NUDT3: variants seen among roughly 807,000 people sequenced by gnomAD.
NUDT3 encodes diphosphoinositol polyphosphate phosphohydrolase 1.
Under a neutral mutation model 23.6 loss-of-function variants are expected in NUDT3, and 9 were observed. The observed-to-expected ratio is 0.38, with a 90% CI of 0.23 to 0.66. The LOEUF (loss-of-function observed/expected upper bound fraction) is 0.66. NUDT3 is among the 30% of genes least tolerant of loss of function. The pLI, the probability that NUDT3 is intolerant of heterozygous loss-of-function variation, is 0.52. For missense variants in NUDT3, 172 were observed against 218.5 expected (o/e 0.79, Z 1.34); for synonymous variants, 86 against 82.6 (o/e 1.04, Z -0.22).
At chr6:34,291,598 G>C (rs1037657588) in intron 4 of NUDT3, among the ~76,000 whole-genome samples, 1 of 151,978 alleles carries the variant, frequency 6.6e-6, no homozygotes, top group Admixed American at 6.6e-5. Context: ...CACCTCCTAG[G>C]TTCAAGTTAT....
chr6:34,305,391 C>A (rs922801194), intron 2 of NUDT3, among the ~76,000 whole-genome samples: 1 of 152,086 alleles, frequency 6.6e-6, no homozygotes, highest in Non-Finnish European at 1.5e-5. Flanking sequence ...AATTTAAAAA[C>A]CTCTATTATA....
intron 2 of NUDT3, among the ~76,000 whole-genome samples, chr6:34,327,515 C>T (rs1320922701): frequency 2.1e-5 from 3 of 139,874 alleles, no homozygotes; most frequent in South Asian, 2.3e-4. Context: ...AGCAATAGGG[C>T]GAGACTCCGC....
At chr6:34,374,327 G>A (rs566937216) in intron 1 of NUDT3, among the ~76,000 whole-genome samples, 2 of 152,168 alleles carry the variant, frequency 1.3e-5, no homozygotes, top group Non-Finnish European at 1.5e-5. Context: ...TGACGTGGCT[G>A]GATAGATCAT....
chr6:34,288,505 GAGGGACAGATCATGCACAAA>G lies in NUDT3; in HGVS notation c.*228_*247del. On this transcript the variant is annotated 3_prime_UTR_variant, in exon 5 of 5. Transcript: ENST00000607016. ...AGAGGACTGCAGGGGTGGGAAGAGG[GAGGGACAGATCATGCACAAA>G]AGTACTTACAAATTACACACCCAAC... 1 of 452,344 alleles carries G rather than the reference GAGGGACAGATCATGCACAAA, an allele frequency of 2.2e-6. No individual in the cohort carries two copies. The allele number at this position is 452,344 out of a possible 1,614,324, so 28.0% of individuals were successfully genotyped here. A position where few individuals can be genotyped will look rare whatever the true frequency, so the allele number is the denominator to read the frequency against.
intron 1 of NUDT3, among the ~76,000 whole-genome samples, chr6:34,348,632 C>T (rs914308826): frequency 1.3e-5 from 2 of 151,818 alleles, no homozygotes; most frequent in East Asian, 2.0e-4. Flanking sequence ...AAAAATTAGC[C>T]GGGCGTGGTG....
intron 2 of NUDT3, among the ~76,000 whole-genome samples, chr6:34,320,631 C>T (rs1161263309): frequency 2.0e-5 from 3 of 152,034 alleles, no homozygotes; most frequent in African/African-American, 2.4e-5. Context: ...GCCCGGAGTT[C>T]GAGACCAGCC....
At chr6:34,383,231 C>T (rs1368354055) in intron 1 of NUDT3, among the ~76,000 whole-genome samples, 3 of 151,940 alleles carry the variant, frequency 2.0e-5, no homozygotes, top group Non-Finnish European at 4.4e-5. Flanking sequence ...TTCATCATTG[C>T]TAAGCTGCTC....
At chr6:34,312,486 T>C (rs1393207943) in intron 2 of NUDT3, among the ~76,000 whole-genome samples, 1 of 152,074 alleles carries the variant, frequency 6.6e-6, no homozygotes, top group African/African-American at 2.4e-5. Context: ...GGAACTCTTA[T>C]TTGCTCTCTG....
At chr6:34,299,027 C>T (rs1413672137) in intron 2 of NUDT3, among the ~76,000 whole-genome samples, 1 of 152,194 alleles carries the variant, frequency 6.6e-6, no homozygotes, top group Non-Finnish European at 1.5e-5. Context: ...AACTATCTTA[C>T]TTTTTCACAA....
intron 2 of NUDT3, among the ~76,000 whole-genome samples, chr6:34,304,975 AT>A (rs535349190): frequency 0.06 from 5,143 of 85,358 alleles, 191 homozygotes; most frequent in East Asian, 0.29. Flanking sequence ...CCCGGTCTGA[AT>A]TTTTTTTTTT....
At chr6:34,336,040 G>A (rs1405352932) in intron 2 of NUDT3, among the ~76,000 whole-genome samples, 9 of 152,062 alleles carry the variant, frequency 5.9e-5, no homozygotes, top group African/African-American at 1.4e-4. Flanking sequence ...AGGCCGAGGC[G>A]GGTGGACTGC....
intron 2 of NUDT3, among the ~76,000 whole-genome samples, chr6:34,307,345 G>A (rs369471338): frequency 6.2e-4 from 95 of 152,292 alleles, no homozygotes; most frequent in Admixed American, 9.2e-4. Context: ...TTTGGAGGTC[G>A]AGGCAAGACG....
rs1257634272 is a variant in NUDT3, at chr6:34,280,686, G to T, written c.*8067C>A. On this transcript the variant is annotated 3_prime_UTR_variant, in exon 5 of 5. Transcript: ENST00000607016. ...TATATGCTCTCATCCTGCAACCCAA[G>T]AGATTAGGTGACCTAATGATGAGAA... 1 of 152,192 alleles carries T rather than the reference G, an allele frequency of 6.6e-6. No homozygotes were observed. Among genetic ancestry groups the T allele is most frequent in the African/African-American group, 2.4e-5 (1 of 41,430 alleles). The allele number at this position is 152,192 out of a possible 1,614,324, so 9.4% of individuals were successfully genotyped here.
At chr6:34,369,477 T>C (rs1161046030) in intron 1 of NUDT3, among the ~76,000 whole-genome samples, 1 of 152,148 alleles carries the variant, frequency 6.6e-6, no homozygotes, top group African/African-American at 2.4e-5. Context: ...GGGGCTACAA[T>C]GGTAAGCAAG....
At chr6:34,304,975 ATTTT>A (rs535349190) in intron 2 of NUDT3, among the ~76,000 whole-genome samples, 3 of 85,348 alleles carry the variant, frequency 3.5e-5, no homozygotes, top group Non-Finnish European at 6.4e-5. Flanking sequence ...CCCGGTCTGA[ATTTT>A]TTTTTTTTTT....
At position 34,285,490 on chromosome 6, in the gene NUDT3, T is replaced by C. The variant is rs1366237227; in HGVS notation, c.*3263A>G. The C allele has an allele frequency of 6.6e-6, 1 of 152,218 alleles. No individual in the cohort carries two copies. Among genetic ancestry groups the C allele is most frequent in the Non-Finnish European group, 1.5e-5 (1 of 68,044 alleles). 9.4% of individuals were successfully genotyped at this position (152,218 alleles called of 1,614,324 possible). A position where few individuals can be genotyped will look rare whatever the true frequency, so the allele number is the denominator to read the frequency against. On this transcript the variant is annotated 3_prime_UTR_variant, in exon 5 of 5. Transcript: ENST00000607016. ...ATGGATGCTCCAGCAATAACCAGAA[T>C]CTAGGACATGCAGACTCACTGTGAG...
chr6:34,364,169 T>A (rs1430201980), intron 1 of NUDT3, among the ~76,000 whole-genome samples: 1 of 152,174 alleles, frequency 6.6e-6, no homozygotes, highest in African/African-American at 2.4e-5. Flanking sequence ...TTTATCTACC[T>A]CTGTTGGGCA....
chr6:34,357,268 G>GTT (rs1269162419), intron 1 of NUDT3, among the ~76,000 whole-genome samples: 1 of 151,996 alleles, frequency 6.6e-6, no homozygotes, highest in Non-Finnish European at 1.5e-5. Flanking sequence ...GTACATGGGG[G>GTT]TTCACTATAC....
intron 1 of NUDT3, among the ~76,000 whole-genome samples, chr6:34,348,878 T>A (rs930636729): frequency 6.6e-6 from 1 of 151,814 alleles, no homozygotes; most frequent in African/African-American, 2.4e-5. Context: ...TTTTTTTTTT[T>A]AGACAGGATC....
Sources: allele counts gnomAD v4.1 joint callset (sites outside exome capture counted in the v4.1 genomes callset), GRCh38; gene constraint gnomAD v4.1.1; transcripts MANE v1.5; gene names NCBI Gene and HGNC (gene_info 2026-07-23, HGNC 2026-07-21).